The following ARHGAP8 variants were observed in gnomAD, a reference collection of about 807,000 sequenced individuals.
ARHGAP8 encodes rho GTPase-activating protein 8.
A neutral mutation model predicts 46.1 loss-of-function variants in ARHGAP8; 62 were observed. The ratio of observed to expected loss-of-function variants is 1.34; its 90% CI spans 1.10 to 1.66. The LOEUF (loss-of-function observed/expected upper bound fraction) is 1.66, where lower values mean the gene tolerates loss of function less well. Ranked by LOEUF, ARHGAP8 falls within the 40% of genes most tolerant of loss-of-function variation. The probability of loss-of-function intolerance (pLI) is 0.00; values close to 1 mark genes in which losing one functional copy is unlikely to be tolerated. For synonymous variants in ARHGAP8, 375 were observed against 243.1 expected (o/e 1.54, Z -5.05); for missense variants, 923 against 568.4 (o/e 1.62, Z -6.34).
chr22:44,787,040 A>AAAAAAC (rs1555911054), intron 2 of ARHGAP8, among the ~76,000 whole-genome samples: 7 of 145,394 alleles, frequency 4.8e-5, no homozygotes, highest in Admixed American at 7.1e-5. Context: ...AAAAAAACAA[A>AAAAAAC]AAAAAAAAAA....
intron 2 of ARHGAP8, among the ~76,000 whole-genome samples, chr22:44,790,418 G>A (rs1396425065): frequency 1.3e-5 from 2 of 152,042 alleles, no homozygotes; most frequent in Non-Finnish European, 2.9e-5. Flanking sequence ...GTTCATGCCT[G>A]TAATCCCAGT....
intron 7 of ARHGAP8, among the ~76,000 whole-genome samples, chr22:44,831,582 C>A (rs906879628): frequency 2.0e-5 from 3 of 152,042 alleles, no homozygotes; most frequent in Non-Finnish European, 4.4e-5. Context: ...ACCTGTAATC[C>A]CAGCTACTCC....
intron 1 of ARHGAP8, among the ~76,000 whole-genome samples, chr22:44,770,406 T>C (rs948949906): frequency 4.0e-5 from 6 of 148,902 alleles, no homozygotes; most frequent in Non-Finnish European, 9.0e-5. Context: ...CTTAGATTCT[T>C]TTTTTTTTTT....
rs149777675 is a variant in ARHGAP8 at position 44,783,423 on chromosome 22, G to A, written c.-71-3034G>A. Reference sequence around the variant, plus strand: ...CCCGGAGCTTGTCATTGAAGAGCTCGGCCCCCACAGGCCTCCTGCTCCCCC... The same window carrying A: ...CCCGGAGCTTGTCATTGAAGAGCTCAGCCCCCACAGGCCTCCTGCTCCCCC... On this transcript the variant is annotated intron_variant, in intron 1 of 11. Transcript: ENST00000356099. 3.5e-3 allele frequency among the ~76,000 whole-genome samples: 539 copies of A among 152,186 alleles called. 1 individual carries two copies. Among genetic ancestry groups the A allele is most frequent in the African/African-American group, 0.013 (524 of 41,532 alleles).
chr22:44,807,789 G>A (rs949343917), intron 3 of ARHGAP8, among the ~76,000 whole-genome samples: 3 of 152,226 alleles, frequency 2.0e-5, no homozygotes, highest in African/African-American at 7.2e-5. Context: ...CATAAAGGCT[G>A]TCAGCAGTCC....
intron 1 of ARHGAP8, among the ~76,000 whole-genome samples, chr22:44,780,878 T>G (rs5765991): frequency 0.78 from 117,933 of 152,100 alleles, 47,006 homozygotes; most frequent in Non-Finnish European, 0.88. Context: ...AGAGCTACCC[T>G]ATAAGGTGCT....
chr22:44,856,147 C>T (rs2070216046), intron 10 of ARHGAP8, among the ~76,000 whole-genome samples: 1 of 152,054 alleles, frequency 6.6e-6, no homozygotes, highest in Non-Finnish European at 1.5e-5. Flanking sequence ...CGTCACCCAT[C>T]CCCACCTCCC....
chr22:44,764,104 G>A (rs1204203180), intron 1 of ARHGAP8, among the ~76,000 whole-genome samples: 2 of 152,044 alleles, frequency 1.3e-5, no homozygotes, highest in African/African-American at 2.4e-5. Context: ...GAGCCACCGC[G>A]CCCGGCCATG....
At chr22:44,799,595 C>G (rs914864229) in intron 2 of ARHGAP8, among the ~76,000 whole-genome samples, 1 of 152,082 alleles carries the variant, frequency 6.6e-6, no homozygotes, top group Non-Finnish European at 1.5e-5. Flanking sequence ...GTTCCCCACT[C>G]CTGACGACAG....
At chr22:44,802,018 T>C (rs1488744520) in intron 2 of ARHGAP8, 59 bp from the exon 3 acceptor site, 1 of 1,603,474 alleles carries the variant, frequency 6.2e-7, no homozygotes. Context: ...TTTTGCTAAG[T>C]GCCTGAGGAT....
At chr22:44,844,576 C>T (rs571149673) in intron 7 of ARHGAP8, among the ~76,000 whole-genome samples, 6 of 152,102 alleles carry the variant, frequency 3.9e-5, no homozygotes, top group Admixed American at 2.6e-4. Flanking sequence ...GAGTCCCCTG[C>T]CTCAGCCTGG....
chr22:44,802,215 T>C, intron 3 of ARHGAP8, 51 bp downstream of exon 3: 1 of 1,602,460 alleles, frequency 6.2e-7, no homozygotes, highest in African/African-American at 1.3e-5. Flanking sequence ...ATGTTGCTTG[T>C]CCCCATCCCT....
At chr22:44,774,331 G>A (rs1304204203) in intron 1 of ARHGAP8, among the ~76,000 whole-genome samples, 4 of 152,158 alleles carry the variant, frequency 2.6e-5, no homozygotes, top group African/African-American at 9.7e-5. Context: ...AAGGTAGTGA[G>A]TGTCCTATCA....
At chr22:44,832,691 C>A (rs554622861) in intron 7 of ARHGAP8, among the ~76,000 whole-genome samples, 5 of 152,234 alleles carry the variant, frequency 3.3e-5, no homozygotes, top group Non-Finnish European at 5.9e-5. Context: ...AGGATCATGT[C>A]ATCTGCAAAT....
chr22:44,801,382 C>T (rs1324034167), intron 2 of ARHGAP8, among the ~76,000 whole-genome samples: 3 of 136,440 alleles, frequency 2.2e-5, no homozygotes, highest in African/African-American at 5.7e-5. Context: ...GCACCTCTCC[C>T]CGCAGCTGTC....
chr22:44,757,312 T>A (rs886330459), intron 1 of ARHGAP8, among the ~76,000 whole-genome samples: 3 of 152,104 alleles, frequency 2.0e-5, no homozygotes, highest in African/African-American at 7.2e-5. Context: ...AGTTTCGCTC[T>A]TGTTGCCCAG....
At chr22:44,811,193 A>G (rs1929309065) in intron 4 of ARHGAP8, among the ~76,000 whole-genome samples, 1 of 152,268 alleles carries the variant, frequency 6.6e-6, no homozygotes, top group Non-Finnish European at 1.5e-5. Flanking sequence ...AGAAAGCAGC[A>G]GAATTCCTTC....
At chr22:44,838,553 C>T (rs749125620) in intron 7 of ARHGAP8, among the ~76,000 whole-genome samples, 11 of 151,974 alleles carry the variant, frequency 7.2e-5, no homozygotes, top group Non-Finnish European at 1.5e-4. Flanking sequence ...GGATTATAGG[C>T]GTGAGCCACC....
intron 7 of ARHGAP8, among the ~76,000 whole-genome samples, chr22:44,834,903 G>A (rs948696617): frequency 6.6e-6 from 1 of 152,008 alleles, no homozygotes; most frequent in Non-Finnish European, 1.5e-5. Context: ...TATTTTGTCG[G>A]ATATTAATAT....
Sources: gnomAD v4.1 joint callset for allele counts (sites outside exome capture counted in the v4.1 genomes callset) on GRCh38, gnomAD v4.1.1 for gene constraint, MANE v1.5 for transcripts, NCBI Gene and HGNC (gene_info 2026-07-23, HGNC 2026-07-21) for gene names.